PCDHGB5: variants seen among roughly 807,000 people sequenced by gnomAD.
PCDHGB5 encodes protocadherin gamma subfamily B, 5.
In PCDHGB5, 48 loss-of-function variants were observed where a neutral mutation model predicts 62.9. The ratio of observed to expected loss-of-function variants is 0.76; its 90% CI spans 0.61 to 0.97. The LOEUF (loss-of-function observed/expected upper bound fraction) is 0.97, where lower values mean the gene tolerates loss of function less well. PCDHGB5 is among the 50% of genes least tolerant of loss of function. PCDHGB5 has a pLI of 0.00. For synonymous variants in PCDHGB5, 474 were observed against 511.2 expected (o/e 0.93, Z 0.98); for missense variants, 1,118 against 1,198.6 (o/e 0.93, Z 0.99).
chr5:141,421,031 T>A, intron 1 of PCDHGB5: 1 of 529,760 alleles, frequency 1.9e-6, no homozygotes, highest in Non-Finnish European at 3.3e-6. Context: ...CGCCATTGAG[T>A]CCCTCCCTCC....
At chr5:141,467,050 G>T (rs6580189) in intron 1 of PCDHGB5, among the ~76,000 whole-genome samples, 42,616 of 146,752 alleles carry the variant, frequency 0.29, 6,868 homozygotes, top group African/African-American at 0.45. Flanking sequence ...ATGAATCAAT[G>T]TTTTCTTTTT....
intron 1 of PCDHGB5, chr5:141,405,271 C>T: frequency 3.1e-6 from 5 of 1,614,094 alleles, no homozygotes; most frequent in Non-Finnish European, 4.2e-6. Flanking sequence ...TCCCCCAGCC[C>T]AACTATGCAG....
Position 141,417,739 on chromosome 5 carries a change from C to G in PCDHGB5, c.2397+17215C>G, listed in dbSNP as rs1002260902. On this transcript the variant is annotated intron_variant, in intron 1 of 3. Transcript: ENST00000617380. The stretch of plus-strand genomic sequence containing the variant: ...GGCTGCGCAGACCTTGCCCAGCACA[C>G]CAGATTGCCAGCTCCGAGACCCGGG... 1.6e-5 allele frequency: 22 copies of G among 1,411,706 alleles called. No homozygotes were observed. In the African/African-American group the frequency reaches 1.7e-4, roughly 11 times the overall value. The allele number at this position is 1,411,706 out of a possible 1,614,324, so 87.4% of individuals were successfully genotyped here.
At position 141,400,128 on chromosome 5, in the gene PCDHGB5, G is replaced by A; in HGVS notation, c.2001G>A (p.Val667=). 1 of 1,614,080 alleles carries A rather than the reference G, an allele frequency of 6.2e-7. No individual in the cohort carries two copies. Among genetic ancestry groups the A allele is most frequent in the South Asian group, 1.1e-5 (1 of 91,092 alleles). ...HLVFADSLQE[V]LPDITDRPVP... ...TCTTTGCTGACAGCTTGCAGGAGGT[G>A]CTGCCGGATATCACTGACCGCCCTG... Residue 667 remains valine, a synonymous_variant, in exon 1 of 4, where the codon GTG becomes GTA. Transcript: ENST00000617380.
intron 1 of PCDHGB5, chr5:141,439,735 G>A (rs1317592646): frequency 1.3e-5 from 2 of 152,360 alleles, no homozygotes; most frequent in Non-Finnish European, 2.9e-5. Flanking sequence ...AGCAGGAACG[G>A]AACGGATTTA....
intron 1 of PCDHGB5, among the ~76,000 whole-genome samples, chr5:141,401,748 C>G (rs2094189969): frequency 6.6e-6 from 1 of 152,134 alleles, no homozygotes; most frequent in Non-Finnish European, 1.5e-5. Context: ...ATACAAAGCT[C>G]CCATTACATG....
At position 141,485,359 on chromosome 5, in the gene PCDHGB5, C is replaced by G. The variant is rs1233826208; in HGVS notation, c.2398-9448C>G. 6.2e-7 allele frequency: 1 copy of G among 1,614,026 alleles called. No individual in the cohort carries two copies. The highest frequency in any genetic ancestry group is 8.5e-7 in the Non-Finnish European group (1 of 1,180,018). On this transcript the variant is annotated intron_variant, in intron 1 of 3. Transcript: ENST00000617380. This position sits in a 1 kb window ranked among gnomAD's most constrained non-coding sequence, Gnocchi z 5.7. ...TGGATACGGACAGTCTGTCAGCTCG[C>G]AGGCTGCAGGTCGCTGGAGAGGTGA...
Position 141,486,683 on chromosome 5 carries a change from G to T in PCDHGB5, c.2398-8124G>T. The T allele has an allele frequency of 6.2e-7, 1 of 1,614,092 alleles. No homozygotes were observed. Among genetic ancestry groups the T allele is most frequent in the Non-Finnish European group, 8.5e-7 (1 of 1,180,026 alleles). ...GGAGCCCAGGAATCGAGATGTATCA[G>T]CTTCCTCTTTCATCTCTCTGAACCC... On this transcript the variant is annotated intron_variant, in intron 1 of 3. Transcript: ENST00000617380. This position sits in a 1 kb window ranked among gnomAD's most constrained non-coding sequence, Gnocchi z 5.0.
chr5:141,485,503 C>T lies in PCDHGB5; in HGVS notation c.2398-9304C>T, dbSNP rs1057374827. The T allele has an allele frequency of 5.0e-6, 8 of 1,614,096 alleles. No homozygotes were observed. The highest frequency in any genetic ancestry group is 6.8e-6 in the Non-Finnish European group (8 of 1,180,008). On this transcript the variant is annotated intron_variant, in intron 1 of 3. Coordinates refer to ENST00000617380, the MANE Select transcript of PCDHGB5 (RefSeq NM_018925.3). This position sits in a 1 kb window ranked among gnomAD's most constrained non-coding sequence, Gnocchi z 5.7. ...GCATCGTGCCCCTGGAGTTTGTCAC[C>T]GAAGGTCCTTTGGAAATGTACCGAG...
At chr5:141,465,047 T>C (rs2099095978) in intron 1 of PCDHGB5, among the ~76,000 whole-genome samples, 1 of 152,088 alleles carries the variant, frequency 6.6e-6, no homozygotes, top group Non-Finnish European at 1.5e-5. Context: ...TGACCCTATA[T>C]ATTTTTTTGA....
At chr5:141,436,778 G>A (rs2097846346) in intron 1 of PCDHGB5, among the ~76,000 whole-genome samples, 1 of 152,154 alleles carries the variant, frequency 6.6e-6, no homozygotes, top group African/African-American at 2.4e-5. Flanking sequence ...ATTTGTGGAT[G>A]GAAATAAAAC....
rs558972594 is a variant in PCDHGB5 at position 141,485,292 on chromosome 5, A to G, written c.2398-9515A>G. ...CGCTACCCGGTCCCAGAGGAGTCAC[A>G]GGAAGGGACTTTTGTAGGGAATGTC... On this transcript the variant is annotated intron_variant, in intron 1 of 3. Coordinates refer to ENST00000617380, the MANE Select transcript of PCDHGB5 (RefSeq NM_018925.3). The surrounding 1 kb of genome is among the most constrained non-coding windows in gnomAD (Gnocchi z 5.7). 1 of 1,614,120 alleles carries G rather than the reference A, an allele frequency of 6.2e-7. No individual in the cohort carries two copies. Among genetic ancestry groups the G allele is most frequent in the African/African-American group, 1.3e-5 (1 of 75,058 alleles).
At chr5:141,483,100 G>A (rs1051736065) in intron 1 of PCDHGB5, among the ~76,000 whole-genome samples, 11 of 152,078 alleles carry the variant, frequency 7.2e-5, no homozygotes, top group South Asian at 2.1e-4. Flanking sequence ...AAAAGTGTGC[G>A]TGTAAAACAG....
chr5:141,446,633 C>T (rs2098509543), intron 1 of PCDHGB5, among the ~76,000 whole-genome samples: 4 of 152,208 alleles, frequency 2.6e-5, no homozygotes, highest in East Asian at 1.9e-4. Flanking sequence ...TGCACCACCA[C>T]GCCTGGCTAA....
chr5:141,432,538 G>C lies in PCDHGB5; in HGVS notation c.2397+32014G>C, dbSNP rs200601557. The C allele has an allele frequency of 2.5e-5, 40 of 1,614,026 alleles. No individual in the cohort carries two copies. The highest frequency in any genetic ancestry group is 1.5e-4 in the Admixed American group (9 of 60,032). On this transcript the variant is annotated intron_variant, in intron 1 of 3. Coordinates refer to ENST00000617380, the MANE Select transcript of PCDHGB5 (RefSeq NM_018925.3). This position sits in a 1 kb window ranked among gnomAD's most constrained non-coding sequence, Gnocchi z 6.0. ...GCTACCTGGTGACCAAGGTGGTGGC[G>C]GTGGACAGAGACTCCGGCCAGAACG...
rs1413324509 is a variant in PCDHGB5 at position 141,431,464 on chromosome 5, G to T, written c.2397+30940G>T. The T allele has an allele frequency of 6.2e-7, 1 of 1,613,782 alleles. No homozygotes were observed. The highest frequency in any genetic ancestry group is 2.2e-5 in the East Asian group (1 of 44,880). ...GCATCCGCGTGATGGTTCTGGATGC[G>T]AACGACAACGCACCAGCGTTTGCTC... On this transcript the variant is annotated intron_variant, in intron 1 of 3. Transcript: ENST00000617380. This position sits in a 1 kb window ranked among gnomAD's most constrained non-coding sequence, Gnocchi z 4.8.
At chr5:141,421,972 C>T (rs764728654) in intron 1 of PCDHGB5, 2 of 1,609,892 alleles carry the variant, frequency 1.2e-6, no homozygotes, top group African/African-American at 2.7e-5. Context: ...GTCCGTATAT[C>T]GCGTGAGTGT....
intron 1 of PCDHGB5, chr5:141,415,156 A>T: frequency 6.2e-7 from 1 of 1,613,798 alleles, no homozygotes. Flanking sequence ...TCTCTCCGCC[A>T]CTGTCACGCT....
intron 1 of PCDHGB5, among the ~76,000 whole-genome samples, chr5:141,429,377 GT>G (rs566693637): frequency 1.3e-4 from 20 of 149,526 alleles, no homozygotes; most frequent in South Asian, 8.5e-4. Flanking sequence ...GAGAAAATGT[GT>G]TTTTTTTTTA....
Sources: allele counts gnomAD v4.1 joint callset (sites outside exome capture counted in the v4.1 genomes callset), GRCh38; gene constraint gnomAD v4.1.1; non-coding constraint Gnocchi (gnomAD v3.1); transcripts MANE v1.5; gene names NCBI Gene and HGNC (gene_info 2026-07-23, HGNC 2026-07-21).